The following SMG6 variants were observed in gnomAD, a reference collection of about 807,000 sequenced individuals.
The protein encoded by SMG6 is SMG6 nonsense mediated mRNA decay factor, also known as telomerase-binding protein EST1A.
In SMG6, 66 loss-of-function variants were observed where a neutral mutation model predicts 142.2. That is an observed-to-expected ratio of 0.46 (90% confidence interval 0.38 to 0.57). The LOEUF is 0.57. Among genes scored for constraint, SMG6 ranks in the 20% least tolerant of loss-of-function variants. The probability of loss-of-function intolerance (pLI) is 0.00; values close to 1 mark genes in which losing one functional copy is unlikely to be tolerated. For missense variants in SMG6, 1,793 were observed against 1,832.0 expected (o/e 0.98, Z 0.39); for synonymous variants, 779 against 702.4 (o/e 1.11, Z -1.72).
At chr17:2,244,584 C>T in intron 9 of SMG6, 74 bp downstream of exon 9, 1 of 1,179,652 alleles carries the variant, frequency 8.5e-7, no homozygotes, top group Non-Finnish European at 1.3e-6. Flanking sequence ...CAAACACAGT[C>T]CAGTTGCTAA....
chr17:2,100,951 C>T (rs1323790465), intron 13 of SMG6, among the ~76,000 whole-genome samples: 1 of 152,106 alleles, frequency 6.6e-6, no homozygotes, highest in East Asian at 1.9e-4. Flanking sequence ...AGCACCTGGC[C>T]AGAATGTGTG....
chr17:2,109,743 T>C (rs572064602), intron 13 of SMG6, among the ~76,000 whole-genome samples: 1 of 152,100 alleles, frequency 6.6e-6, no homozygotes, highest in African/African-American at 2.4e-5. Context: ...AGAGACAAAA[T>C]TTCTGGACCA....
intron 16 of SMG6, among the ~76,000 whole-genome samples, chr17:2,066,965 G>A (rs1247980575): frequency 6.6e-6 from 1 of 152,196 alleles, no homozygotes; most frequent in East Asian, 1.9e-4. Context: ...AACAAGAAGG[G>A]AAAGCTGGCG....
rs2071995447 is a variant in SMG6, at chr17:2,186,646, T to C, written c.3155+17A>G. ...GCCCAAGCCAGTGGTGCTGAAGCAATGGGCAGGTCAACTCACTGCGAGGGC... is the reference window on the plus strand; with the variant it reads ...GCCCAAGCCAGTGGTGCTGAAGCAACGGGCAGGTCAACTCACTGCGAGGGC... On this transcript the variant is annotated intron_variant, in intron 12 of 18. Coordinates refer to ENST00000263073, the MANE Select transcript of SMG6 (RefSeq NM_017575.5). The C allele has an allele frequency of 6.2e-7, 1 of 1,613,630 alleles. No homozygotes were observed. Among genetic ancestry groups the C allele is most frequent in the South Asian group, 1.1e-5 (1 of 91,028 alleles).
At chr17:2,076,090 T>G (rs947192917) in intron 15 of SMG6, among the ~76,000 whole-genome samples, 3 of 152,156 alleles carry the variant, frequency 2.0e-5, no homozygotes, top group Non-Finnish European at 4.4e-5. Context: ...GCCCCAGATC[T>G]CACTTGGACT....
chr17:2,213,585 T>G (rs1331821833), intron 10 of SMG6: 1 of 152,142 alleles, frequency 6.6e-6, no homozygotes, highest in East Asian at 1.9e-4. Context: ...GACAAAAGAA[T>G]GAGGATGCAC....
At chr17:2,107,797 C>T (rs1597394295) in intron 13 of SMG6, among the ~76,000 whole-genome samples, 1 of 152,156 alleles carries the variant, frequency 6.6e-6, no homozygotes, top group Non-Finnish European at 1.5e-5. Flanking sequence ...GACTGCGTGC[C>T]AGGGCCAAGC....
chr17:2,302,946 A>T, intron 1 of SMG6: 1 of 985,244 alleles, frequency 1.0e-6, no homozygotes, highest in East Asian at 1.1e-4. Context: ...GGCACCTATC[A>T]CAGCTACCAT....
At position 2,244,302 on chromosome 17, in the gene SMG6, C is replaced by T. The variant is rs187169601; in HGVS notation, c.2723+356G>A. ...ATTCTTCCCAAGGAGGACCCCCTGA[C>T]AGCTGCACCCAGGGATTTAGCACAA... is the stretch of plus-strand genomic sequence containing the variant. On this transcript the variant is annotated intron_variant, in intron 9 of 18. Transcript: ENST00000263073. 3.3e-5 allele frequency among the ~76,000 whole-genome samples: 5 copies of T among 152,326 alleles called. No homozygotes were observed. In the East Asian group the frequency reaches 5.8e-4, roughly 18 times the overall value.
At chr17:2,242,371 A>AG in intron 9 of SMG6, among the ~76,000 whole-genome samples, 1 of 148,824 alleles carries the variant, frequency 6.7e-6, no homozygotes, top group African/African-American at 2.5e-5. Flanking sequence ...AAAAAAAAAA[A>AG]AAAAAAAAAT....
chr17:2,149,492 T>A (rs2070765586), intron 13 of SMG6, among the ~76,000 whole-genome samples: 10 of 152,170 alleles, frequency 6.6e-5, no homozygotes, highest in Admixed American at 5.9e-4. Context: ...TCTTGCCTCT[T>A]CTGGTAGTTG....
chr17:2,193,829 T>C lies in SMG6; in HGVS notation c.2870-5314A>G, dbSNP rs367576885. 4.6e-5 allele frequency among the ~76,000 whole-genome samples: 7 copies of C among 152,320 alleles called. No individual in the cohort carries two copies. The South Asian group carries it at 1.0e-3, about 23-fold the overall frequency. On this transcript the variant is annotated intron_variant, in intron 10 of 18. Coordinates refer to ENST00000263073, the MANE Select transcript of SMG6 (RefSeq NM_017575.5). ...GCATGTAACAGAGAAGGTTTCATGG[T>C]AGAGACCTTTATTTTTGAGACAGAT...
At chr17:2,253,989 G>C (rs2074107148) in intron 8 of SMG6, among the ~76,000 whole-genome samples, 1 of 152,208 alleles carries the variant, frequency 6.6e-6, no homozygotes, top group East Asian at 1.9e-4. Context: ...GCCAGATTAA[G>C]ATTTATGAAT....
chr17:2,150,087 C>T (rs557168764), intron 13 of SMG6, among the ~76,000 whole-genome samples: 3 of 152,274 alleles, frequency 2.0e-5, no homozygotes, highest in South Asian at 2.1e-4. Context: ...GGAACTGGGC[C>T]GCACAGCAGG....
intron 13 of SMG6, among the ~76,000 whole-genome samples, chr17:2,140,969 A>C (rs906430898): frequency 2.6e-5 from 4 of 152,226 alleles, no homozygotes; most frequent in African/African-American, 9.6e-5. Flanking sequence ...GGCCTAAAAC[A>C]TTACAAGTTC....
At chr17:2,271,562 A>G (rs2074543766) in intron 8 of SMG6, among the ~76,000 whole-genome samples, 1 of 152,010 alleles carries the variant, frequency 6.6e-6, no homozygotes, top group South Asian at 2.1e-4. Context: ...AAAAACTACA[A>G]AAATTAGCTG....
At chr17:2,273,916 C>G (rs944190143) in intron 8 of SMG6, among the ~76,000 whole-genome samples, 1 of 152,198 alleles carries the variant, frequency 6.6e-6, no homozygotes, top group Admixed American at 6.5e-5. Context: ...CCACTATTCA[C>G]TAATTCAGTG....
chr17:2,103,231 G>T (rs1224664800), intron 13 of SMG6, among the ~76,000 whole-genome samples: 1 of 152,076 alleles, frequency 6.6e-6, no homozygotes, highest in East Asian at 1.9e-4. Context: ...GGAAAGGATC[G>T]TTCTGCCACT....
chr17:2,242,228 A>G (rs1314658740), intron 9 of SMG6, among the ~76,000 whole-genome samples: 1 of 151,998 alleles, frequency 6.6e-6, no homozygotes, highest in Non-Finnish European at 1.5e-5. Flanking sequence ...TAAAAGATAA[A>G]TAGGCCGGGC....
Sources: gnomAD v4.1 joint callset for allele counts (sites outside exome capture counted in the v4.1 genomes callset) on GRCh38, gnomAD v4.1.1 for gene constraint, MANE v1.5 for transcripts, NCBI Gene and HGNC (gene_info 2026-07-23, HGNC 2026-07-21) for gene names.